The following IQCM variants were observed in gnomAD, a reference collection of about 807,000 sequenced individuals.
IQCM encodes the protein IQ motif containing M.
In IQCM, 45 loss-of-function variants were observed where a neutral mutation model predicts 57.6. The observed-to-expected ratio is 0.78, with a 90% CI of 0.62 to 1.00. The LOEUF is 1.00. Among genes scored for constraint, IQCM ranks in the 50% least tolerant of loss-of-function variants. The probability of loss-of-function intolerance (pLI) is 0.00; values close to 1 mark genes in which losing one functional copy is unlikely to be tolerated. For missense variants in IQCM, 468 were observed against 511.6 expected, an observed-to-expected ratio of 0.91 and a Z score of 0.82; for synonymous variants, 148 against 158.9, an observed-to-expected ratio of 0.93 and a Z score of 0.51.
At chr4:149,692,292 C>T (rs986817936) in intron 5 of IQCM, among the ~76,000 whole-genome samples, 1 of 152,118 alleles carries the variant, frequency 6.6e-6, no homozygotes, top group African/African-American at 2.4e-5. Context: ...ATCTAGGGTT[C>T]ATTTGTTACT....
intron 7 of IQCM, among the ~76,000 whole-genome samples, chr4:149,644,349 T>C (rs1758459590): frequency 6.6e-6 from 1 of 152,188 alleles, no homozygotes; most frequent in Non-Finnish European, 1.5e-5. Flanking sequence ...TTCTTGTAAA[T>C]ATTTGCCTTC....
At chr4:149,420,964 A>G (rs1361269536) in intron 13 of IQCM, among the ~76,000 whole-genome samples, 1 of 151,968 alleles carries the variant, frequency 6.6e-6, no homozygotes, top group South Asian at 2.1e-4. Flanking sequence ...CATTAGACAG[A>G]CTGTCAGATG....
intron 2 of IQCM, among the ~76,000 whole-genome samples, chr4:149,806,195 G>A (rs1774064222): frequency 6.6e-6 from 1 of 151,610 alleles, no homozygotes; most frequent in South Asian, 2.1e-4. Context: ...GCTTTAGCAT[G>A]GTATTATGTG....
chr4:149,492,016 C>G (rs1370954931), intron 12 of IQCM, among the ~76,000 whole-genome samples: 1 of 151,870 alleles, frequency 6.6e-6, no homozygotes, highest in Non-Finnish European at 1.5e-5. Context: ...TGATTTTGAG[C>G]ATGTTTTTTA....
intron 5 of IQCM, among the ~76,000 whole-genome samples, chr4:149,721,480 A>T (rs1478366934): frequency 6.6e-6 from 1 of 151,982 alleles, no homozygotes; most frequent in African/African-American, 2.4e-5. Flanking sequence ...TGTCCATTAT[A>T]CCACTCTATA....
intron 12 of IQCM, among the ~76,000 whole-genome samples, chr4:149,484,063 GTT>G (rs997537344): frequency 6.6e-6 from 1 of 151,676 alleles, no homozygotes; most frequent in African/African-American, 2.4e-5. Context: ...CTTGAAATTT[GTT>G]TTGTCTTGAT....
intron 10 of IQCM, among the ~76,000 whole-genome samples, chr4:149,562,252 G>T (rs1750197181): frequency 6.6e-6 from 1 of 152,184 alleles, no homozygotes; most frequent in South Asian, 2.1e-4. Context: ...TAGGTCTGCA[G>T]GCATGGAGAT....
intron 8 of IQCM, among the ~76,000 whole-genome samples, chr4:149,591,324 C>T (rs893062801): frequency 3.9e-5 from 6 of 151,928 alleles, no homozygotes; most frequent in African/African-American, 1.2e-4. Context: ...AACCATAAAC[C>T]TTTAGCCTTC....
At chr4:149,461,192 C>A in intron 12 of IQCM, among the ~76,000 whole-genome samples, 1 of 144,754 alleles carries the variant, frequency 6.9e-6, no homozygotes, top group East Asian at 2.0e-4. Flanking sequence ...AAGATCGTGC[C>A]ATTGCACTCC....
At chr4:149,801,813 T>A (rs1773629575) in intron 2 of IQCM, among the ~76,000 whole-genome samples, 1 of 151,752 alleles carries the variant, frequency 6.6e-6, no homozygotes, top group African/African-American at 2.4e-5. Context: ...AAAGAATAAA[T>A]AAGACCTGCT....
chr4:149,441,609 G>A (rs957735654), intron 12 of IQCM, among the ~76,000 whole-genome samples: 2 of 152,092 alleles, frequency 1.3e-5, no homozygotes. Context: ...TGGGAGTCCA[G>A]AAGCCTTCTT....
intron 13 of IQCM, among the ~76,000 whole-genome samples, chr4:149,388,064 T>C (rs1203685578): frequency 6.6e-6 from 1 of 152,058 alleles, no homozygotes; most frequent in East Asian, 1.9e-4. Context: ...AGAAATAGCA[T>C]ATTGTGTTTA....
intron 2 of IQCM, among the ~76,000 whole-genome samples, chr4:149,751,420 C>T (rs1768425549): frequency 6.6e-6 from 1 of 152,196 alleles, no homozygotes; most frequent in Admixed American, 6.5e-5. Flanking sequence ...CAGGCTTAAT[C>T]ACTTCCTAAT....
intron 12 of IQCM, among the ~76,000 whole-genome samples, chr4:149,455,861 G>T (rs1737643562): frequency 6.6e-6 from 1 of 151,470 alleles, no homozygotes; most frequent in Admixed American, 6.6e-5. Flanking sequence ...TGCTGTCCTA[G>T]CTACTAGGGA....
At chr4:149,441,036 C>T (rs989626630) in intron 12 of IQCM, among the ~76,000 whole-genome samples, 2 of 152,012 alleles carry the variant, frequency 1.3e-5, no homozygotes, top group African/African-American at 4.8e-5. Context: ...TAATCATTTT[C>T]CTAGTTAAAA....
chr4:149,421,171 T>C (rs1403832700), intron 13 of IQCM, among the ~76,000 whole-genome samples: 1 of 152,110 alleles, frequency 6.6e-6, no homozygotes, highest in East Asian at 1.9e-4. Context: ...TTTTTGTCTC[T>C]ACATTGCTAC....
chr4:149,588,326 A>C (rs1752825316), intron 8 of IQCM, among the ~76,000 whole-genome samples: 2 of 152,014 alleles, frequency 1.3e-5, no homozygotes, highest in South Asian at 4.1e-4. Context: ...GATGCCTTTT[A>C]ATAAATACAG....
At chr4:149,759,099 T>C (rs1314731029) in intron 2 of IQCM, among the ~76,000 whole-genome samples, 1 of 152,144 alleles carries the variant, frequency 6.6e-6, no homozygotes, top group Non-Finnish European at 1.5e-5. Context: ...AAATGAGCTA[T>C]CCAGCCATGA....
chr4:149,748,049 G>C (rs1441538293), intron 2 of IQCM, among the ~76,000 whole-genome samples: 1 of 152,126 alleles, frequency 6.6e-6, no homozygotes, highest in Non-Finnish European at 1.5e-5. Context: ...ATTTAAAATA[G>C]ACCCATAATA....
Sources: allele counts gnomAD v4.1 joint callset (sites outside exome capture counted in the v4.1 genomes callset), GRCh38; gene constraint gnomAD v4.1.1; transcripts MANE v1.5; gene names NCBI Gene and HGNC (gene_info 2026-07-23, HGNC 2026-07-21).